Variants in RTN3 observed in about 807,000 individuals in gnomAD.
The protein encoded by RTN3 is reticulon-3.
RTN3 carries 49 observed loss-of-function variants against 77.8 expected under a neutral mutation model. The ratio of observed to expected loss-of-function variants is 0.63; its 90% CI spans 0.50 to 0.80. The LOEUF is 0.80. Ranked by LOEUF, RTN3 falls within the 30% of genes least tolerant of loss-of-function variation. The pLI, the probability that RTN3 is intolerant of heterozygous loss-of-function variation, is 0.00. For synonymous variants in RTN3, 464 were observed against 446.9 expected, an observed-to-expected ratio of 1.04 and a Z score of -0.48; for missense variants, 1,236 against 1,211.9, an observed-to-expected ratio of 1.02 and a Z score of -0.29.
intron 2 of RTN3, among the ~76,000 whole-genome samples, chr11:63,707,608 C>T (rs1287384831): frequency 4.6e-5 from 7 of 151,990 alleles, no homozygotes; most frequent in East Asian, 3.9e-4. Flanking sequence ...CTGAGGCAGG[C>T]GGATCACCTG....
chr11:63,753,646 T>C lies in RTN3; in HGVS notation c.2948-16T>C. Reference sequence around the variant, plus strand: ...TCTCATATACACTTGCCATGTCCCATGATTCTGTCTTACAGCTGAACTGCT... The same window carrying C: ...TCTCATATACACTTGCCATGTCCCACGATTCTGTCTTACAGCTGAACTGCT... On this transcript the variant is annotated splice_polypyrimidine_tract_variant and intron_variant, in intron 6 of 8. Transcript: ENST00000377819. 1 of 1,612,154 alleles carries C rather than the reference T, an allele frequency of 6.2e-7. No homozygotes were observed. Among genetic ancestry groups the C allele is most frequent in the Non-Finnish European group, 8.5e-7 (1 of 1,178,348 alleles).
At chr11:63,735,552 C>CTCTCTG (rs1421970530) in intron 3 of RTN3, among the ~76,000 whole-genome samples, 1 of 111,846 alleles carries the variant, frequency 8.9e-6, no homozygotes, top group Non-Finnish European at 1.8e-5. Context: ...TCTAACATTT[C>CTCTCTG]TCTCTCTCTC....
At position 63,698,752 on chromosome 11, in the gene RTN3, C is replaced by G. The variant is rs535062837; in HGVS notation, c.143-6099C>G. On this transcript the variant is annotated intron_variant, in intron 1 of 8. Transcript: ENST00000377819. ...GACTGCCAGCACCTGCTCCCGAGCT[C>G]CTACCACTGGCCCCTTTAAATATTG... The G allele has an allele frequency of 3.5e-5, 6 of 170,744 alleles. No individual in the cohort carries two copies. The South Asian group carries it at 1.0e-3, about 30-fold the overall frequency. The allele number at this position is 170,744 out of a possible 1,614,324, so 10.6% of individuals were successfully genotyped here.
Position 63,681,716 on chromosome 11 carries a change from G to T in RTN3, c.80G>T (p.Gly27Val). ...GGAGCCGAGCCGTCCGCGCCCGGCG[G>T]CGGCGGGAGCCCAGGAGCCTGCCCC... ...SFGAEPSAPG[G>V]GGSPGACPAL... Residue 27 changes from glycine (G) to valine (V), a missense_variant, in exon 1 of 9, where the codon GGC (glycine) becomes GTC (valine). Physicochemically the swap from Gly to Val is moderately radical, Grantham distance 109. This residue lies in a region of RTN3 where 1,056 missense variants were observed against 990.4 expected (regional missense o/e 1.07). Transcript: ENST00000377819. 2 of 1,610,074 alleles carry T rather than the reference G, an allele frequency of 1.2e-6. No individual in the cohort carries two copies. Among genetic ancestry groups the T allele is most frequent in the Non-Finnish European group, 1.7e-6 (2 of 1,178,536 alleles).
At position 63,756,115 on chromosome 11, in the gene RTN3, C is replaced by G; in HGVS notation, c.2998C>G (p.Gln1000Glu). The G allele has an allele frequency of 6.2e-7, 1 of 1,612,112 alleles. No individual in the cohort carries two copies. Among genetic ancestry groups the G allele is most frequent in the Non-Finnish European group, 8.5e-7 (1 of 1,178,258 alleles). The stretch of plus-strand genomic sequence containing the variant: ...AATTTATTTTCCTTCCTTAAAGACC[C>G]AGATTGATCACTATGTTGGCATCGC... ...VPIVYEKYKT[Q>E]IDHYVGIARD... Residue 1000 changes from glutamine (Q) to glutamate (E), a missense_variant, in exon 8 of 9, where the codon CAG becomes GAG. This residue lies in a region of RTN3 where 141 missense variants were observed against 154.9 expected (regional missense o/e 0.91). Coordinates refer to ENST00000377819, the MANE Select transcript of RTN3 (RefSeq NM_001265589.2).
chr11:63,704,914 C>G lies in RTN3; in HGVS notation c.199+7C>G, dbSNP rs1224081061. ...CTATTTTCGACCTCACAAGGCAAGT[C>G]TGTAATTTTTTTGTGTGCATTGGTA... On this transcript the variant is annotated splice_region_variant and intron_variant, in intron 2 of 8. Transcript: ENST00000377819. 3 of 1,606,650 alleles carry G rather than the reference C, an allele frequency of 1.9e-6. No individual in the cohort carries two copies. The highest frequency in any genetic ancestry group is 2.2e-5 in the East Asian group (1 of 44,824).
intron 3 of RTN3, among the ~76,000 whole-genome samples, chr11:63,730,446 T>C (rs779476280): frequency 1.3e-5 from 2 of 152,248 alleles, no homozygotes; most frequent in Non-Finnish European, 2.9e-5. Context: ...TTGACAGTTA[T>C]AAGTGTGTAT....
chr11:63,724,737 C>T lies in RTN3; in HGVS notation c.2530+3705C>T, dbSNP rs188832826. On this transcript the variant is annotated intron_variant, in intron 3 of 8. Transcript: ENST00000377819. ...CGAACTCCTGACCTCGTGATCCGCC[C>T]GCCTTGGCTTCCCAAAATACTGAGA... is the stretch of plus-strand genomic sequence containing the variant. Among the ~76,000 whole-genome samples, 320 of 152,214 alleles carry T rather than the reference C, an allele frequency of 2.1e-3. 2 individuals carry two copies. Among genetic ancestry groups the T allele is most frequent in the African/African-American group, 7.1e-3 (293 of 41,550 alleles).
At chr11:63,740,448 AT>A (rs34045543) in intron 3 of RTN3, among the ~76,000 whole-genome samples, 1,686 of 120,734 alleles carry the variant, frequency 0.014, 21 homozygotes, top group African/African-American at 0.043. Flanking sequence ...TGCCTGGCTA[AT>A]TTTTTTTTTT....
intron 3 of RTN3, among the ~76,000 whole-genome samples, chr11:63,733,461 C>T (rs540988023): frequency 1.3e-5 from 2 of 151,714 alleles, no homozygotes; most frequent in Non-Finnish European, 2.9e-5. Context: ...TGCACTCCAG[C>T]CTGGGCGACA....
intron 1 of RTN3, among the ~76,000 whole-genome samples, chr11:63,703,117 TAAAA>T (rs913906889): frequency 1.3e-5 from 2 of 151,208 alleles, no homozygotes; most frequent in East Asian, 1.9e-4. Flanking sequence ...AAAACAACAA[TAAAA>T]AAAAACACAA....
At chr11:63,684,129 G>GTTTTTTTTTTTTTTTTT (rs61663789) in intron 1 of RTN3, among the ~76,000 whole-genome samples, 17 of 85,274 alleles carry the variant, frequency 2.0e-4, no homozygotes, top group African/African-American at 8.4e-4. Context: ...TTTTCTTTTG[G>GTTTTTTTTTTTTTTTTT]TTTTTTTTTT....
At chr11:63,688,634 C>T (rs1266810269) in intron 1 of RTN3, among the ~76,000 whole-genome samples, 2 of 152,064 alleles carry the variant, frequency 1.3e-5, no homozygotes, top group Admixed American at 1.3e-4. Flanking sequence ...GCACCCTTAC[C>T]CTAAATTGTC....
At chr11:63,698,965 C>A (rs751003612) in intron 1 of RTN3, among the ~76,000 whole-genome samples, 10 of 152,174 alleles carry the variant, frequency 6.6e-5, no homozygotes, top group Non-Finnish European at 1.5e-4. Context: ...ATGCCTTAGG[C>A]AACTTTTTTA....
intron 2 of RTN3, among the ~76,000 whole-genome samples, chr11:63,716,971 A>G (rs966926807): frequency 1.1e-5 from 1 of 89,326 alleles, no homozygotes; most frequent in Admixed American, 1.4e-4. Flanking sequence ...TCCGTCTCAA[A>G]AAAAAAACAA....
chr11:63,694,853 A>G (rs1201113705), intron 1 of RTN3, among the ~76,000 whole-genome samples: 1 of 152,158 alleles, frequency 6.6e-6, no homozygotes, highest in Non-Finnish European at 1.5e-5. Flanking sequence ...TTCCTCTTAG[A>G]TTGCATATGC....
chr11:63,720,536 AGAG>A lies in RTN3; in HGVS notation c.2035_2037del (p.Glu679del). On this transcript the variant is annotated inframe_deletion, in exon 3 of 9. Coordinates refer to ENST00000377819, the MANE Select transcript of RTN3 (RefSeq NM_001265589.2). Reference sequence around the variant, plus strand: ...AAAGAAATGCTTTTAAAGCAATATCAGAGAAGATGACAGACTTTAAAACAACTC... The same window carrying A: ...AAAGAAATGCTTTTAAAGCAATATCAAAGATGACAGACTTTAAAACAACTC... 6.2e-7 allele frequency: 1 copy of A among 1,614,162 alleles called. No individual in the cohort carries two copies. The highest frequency in any genetic ancestry group is 8.5e-7 in the Non-Finnish European group (1 of 1,180,020).
At chr11:63,739,242 A>G (rs939281449) in intron 3 of RTN3, among the ~76,000 whole-genome samples, 3 of 152,136 alleles carry the variant, frequency 2.0e-5, no homozygotes, top group Non-Finnish European at 4.4e-5. Context: ...AAGAGAAAAA[A>G]GTAAGGTCCT....
chr11:63,726,509 C>T (rs930782837), intron 3 of RTN3, among the ~76,000 whole-genome samples: 1 of 152,188 alleles, frequency 6.6e-6, no homozygotes, highest in Admixed American at 6.5e-5. Context: ...GTTTAAGCCT[C>T]TGTTTAATTG....
Sources: gnomAD v4.1 joint callset for allele counts (sites outside exome capture counted in the v4.1 genomes callset) on GRCh38, gnomAD v4.1.1 for gene constraint, gnomAD v4.1.1 regional missense constraint, MANE v1.5 for transcripts, NCBI Gene and HGNC (gene_info 2026-07-23, HGNC 2026-07-21) for gene names.